DLGAP2: variants seen among roughly 807,000 people sequenced by gnomAD.
DLGAP2 encodes the protein disks large-associated protein 2.
DLGAP2 carries 26 observed loss-of-function variants against 100.3 expected under a neutral mutation model. That is an observed-to-expected ratio of 0.26 (90% CI 0.19 to 0.36). The LOEUF (loss-of-function observed/expected upper bound fraction) is 0.36, where lower values mean the gene tolerates loss of function less well. Among genes scored for constraint, DLGAP2 ranks in the 10% least tolerant of loss-of-function variants. The probability of loss-of-function intolerance (pLI) is 1.00; values close to 1 mark genes in which losing one functional copy is unlikely to be tolerated. For missense variants in DLGAP2, 1,858 were observed against 1,453.2 expected (o/e 1.28, Z -4.53); for synonymous variants, 886 against 630.1 (o/e 1.41, Z -6.08).
intron 1 of DLGAP2, among the ~76,000 whole-genome samples, chr8:862,299 GTTT>G (rs1199269737): frequency 7.2e-6 from 1 of 138,108 alleles, no homozygotes; most frequent in African/African-American, 2.6e-5. Flanking sequence ...TTGGACTCCA[GTTT>G]TTTTTTTTTT....
At chr8:1,675,194 C>T (rs1265890633) in intron 10 of DLGAP2, among the ~76,000 whole-genome samples, 1 of 152,224 alleles carries the variant, frequency 6.6e-6, no homozygotes, top group Admixed American at 6.5e-5. Flanking sequence ...TCTGTCCGTT[C>T]CCCTGGATCC....
intron 2 of DLGAP2, among the ~76,000 whole-genome samples, chr8:919,650 G>A (rs943896350): frequency 2.0e-5 from 3 of 152,186 alleles, no homozygotes; most frequent in Admixed American, 6.5e-5. Flanking sequence ...GGATCCGTCC[G>A]GCCGAGAAGC....
At chr8:1,119,632 A>T (rs545013486) in intron 2 of DLGAP2, among the ~76,000 whole-genome samples, 9 of 152,338 alleles carry the variant, frequency 5.9e-5, no homozygotes, top group Middle Eastern at 3.4e-3. Flanking sequence ...CTGTTTCCTC[A>T]TGTGAACAGC....
At chr8:1,212,164 A>G (rs892409558) in intron 2 of DLGAP2, among the ~76,000 whole-genome samples, 2 of 152,244 alleles carry the variant, frequency 1.3e-5, no homozygotes, top group Non-Finnish European at 2.9e-5. Flanking sequence ...AAAGGGCAAA[A>G]TCCCCACATT....
intron 2 of DLGAP2, among the ~76,000 whole-genome samples, chr8:1,196,628 G>A (rs1464705045): frequency 6.6e-6 from 1 of 152,170 alleles, no homozygotes; most frequent in African/African-American, 2.4e-5. Context: ...GGTCGAGGGG[G>A]GTATCTCTGA....
At position 879,442 on chromosome 8, in the gene DLGAP2, G is replaced by C. The variant is rs527403476; in HGVS notation, c.19-28470G>C. On this transcript the variant is annotated intron_variant, in intron 1 of 14. Transcript: ENST00000637795. Reference sequence around the variant, plus strand: ...TCCCATGCAGGTGTCACTTTCCCCAGGTGGGGGTGTTGAGCGCTAGGCTCA... The same window carrying C: ...TCCCATGCAGGTGTCACTTTCCCCACGTGGGGGTGTTGAGCGCTAGGCTCA... Among the ~76,000 whole-genome samples the C allele has an allele frequency of 1.7e-3, 263 of 152,332 alleles. 1 individual carries two copies. The highest frequency in any genetic ancestry group is 6.1e-3 in the African/African-American group (255 of 41,570).
At chr8:1,550,555 G>T (rs1801729639) in intron 5 of DLGAP2, among the ~76,000 whole-genome samples, 1 of 152,130 alleles carries the variant, frequency 6.6e-6, no homozygotes, top group Non-Finnish European at 1.5e-5. Flanking sequence ...ACATTCGTGA[G>T]TTCACTCCCT....
At chr8:1,671,063 G>T (rs1183739918) in intron 10 of DLGAP2, among the ~76,000 whole-genome samples, 6 of 152,206 alleles carry the variant, frequency 3.9e-5, no homozygotes, top group African/African-American at 1.4e-4. Context: ...TGTTAATTGT[G>T]CCCAGACTAT....
rs995218804 is a variant in DLGAP2, at chr8:1,706,867, C to G, written c.*5461C>G. 6.6e-6 allele frequency: 1 copy of G among 152,204 alleles called. No homozygotes were observed. Among genetic ancestry groups the G allele is most frequent in the South Asian group, 2.1e-4 (1 of 4,818 alleles). The allele number at this position is 152,204 out of a possible 1,614,324, so 9.4% of individuals were successfully genotyped here. A position where few individuals can be genotyped will look rare whatever the true frequency, so the allele number is the denominator to read the frequency against. ...GCGTTTGTAATTTTTCTACTTCGCA[C>G]TTGAGAGAAGGCAGAGGTGGTCCGT... On this transcript the variant is annotated 3_prime_UTR_variant, in exon 15 of 15. Transcript: ENST00000637795.
At chr8:1,392,889 G>GT (rs1193752112) in intron 3 of DLGAP2, among the ~76,000 whole-genome samples, 2,039 of 129,270 alleles carry the variant, frequency 0.016, 33 homozygotes, top group Middle Eastern at 0.04. Context: ...TGACGTTTCT[G>GT]TTTTTTTTTT....
chr8:884,235 G>T (rs534527533), intron 1 of DLGAP2, among the ~76,000 whole-genome samples: 1 of 152,304 alleles, frequency 6.6e-6, no homozygotes, highest in African/African-American at 2.4e-5. Context: ...CACAATGTTT[G>T]AACTAATGTA....
At chr8:1,251,269 C>T (rs1421327630) in intron 2 of DLGAP2, among the ~76,000 whole-genome samples, 3 of 152,138 alleles carry the variant, frequency 2.0e-5, no homozygotes, top group East Asian at 1.9e-4. Context: ...TGACTATCTC[C>T]TAGCATAGTA....
rs1797483751 is a variant in DLGAP2, at chr8:1,626,015, TACCCTGTG to T, written c.1443-724_1443-717del. On this transcript the variant is annotated intron_variant, in intron 6 of 14. Coordinates refer to ENST00000637795, the MANE Select transcript of DLGAP2 (RefSeq NM_001346810.2). Reference sequence around the variant, plus strand: ...TGGGTTGGACGGCTGTTCCCATCTCTACCCTGTGGCGGGTGCTCAGCCTCTGGGTGTGG... The same window carrying T: ...TGGGTTGGACGGCTGTTCCCATCTCTGCGGGTGCTCAGCCTCTGGGTGTGG... 9.6e-5 allele frequency among the ~76,000 whole-genome samples: 14 copies of T among 146,160 alleles called. 2 individuals are homozygous for T. The highest frequency in any genetic ancestry group is 3.2e-4 in the African/African-American group (12 of 38,052).
In DLGAP2 at chr8:1,263,771, G is replaced by A. The variant is rs146473272; in HGVS notation, c.106+4888G>A. ...ACCCCAGCCCTGTTCTCTGCTCTCT[G>A]TGGAGAGGGAGGGCACCACTGTTTC... On this transcript the variant is annotated intron_variant, in intron 3 of 14. Transcript: ENST00000637795. Among the ~76,000 whole-genome samples the A allele has an allele frequency of 2.5e-3, 385 of 152,280 alleles. 1 individual carries two copies. The highest frequency in any genetic ancestry group is 0.01 in the Middle Eastern group (3 of 294).
At chr8:1,055,374 G>A (rs543002431) in intron 2 of DLGAP2, among the ~76,000 whole-genome samples, 72 of 152,230 alleles carry the variant, frequency 4.7e-4, no homozygotes, top group African/African-American at 1.6e-3. Context: ...GGAGTCATCC[G>A]TCCCCTGTAA....
At chr8:1,536,407 G>T (rs753043283) in intron 4 of DLGAP2, among the ~76,000 whole-genome samples, 10 of 152,122 alleles carry the variant, frequency 6.6e-5, no homozygotes, top group East Asian at 1.9e-4. Context: ...CCTAAAAAAG[G>T]ATTATCTAAC....
intron 12 of DLGAP2, among the ~76,000 whole-genome samples, chr8:1,679,979 C>CAAA (rs760100523): frequency 0.18 from 11,000 of 62,744 alleles, 1,165 homozygotes; most frequent in South Asian, 0.26. Context: ...GACTCTGTCT[C>CAAA]AAAAAAAAAA....
In DLGAP2 at chr8:1,359,204, T is replaced by A. The variant is rs144222800; in HGVS notation, c.106+100321T>A. ...CAGGACACCCTGGAGGACAGACACC[T>A]CCTGGTAAACTCAACAGGAAAATCC... On this transcript the variant is annotated intron_variant, in intron 3 of 14. Transcript: ENST00000637795. Among the ~76,000 whole-genome samples, 94 of 152,240 alleles carry A rather than the reference T, an allele frequency of 6.2e-4. 1 individual carries two copies. Among genetic ancestry groups the A allele is most frequent in the East Asian group, 4.9e-3 (25 of 5,154 alleles).
intron 1 of DLGAP2, among the ~76,000 whole-genome samples, chr8:832,788 C>G (rs1796805942): frequency 6.6e-6 from 1 of 152,346 alleles, no homozygotes; most frequent in Non-Finnish European, 1.5e-5. Context: ...CTGCTGGTCC[C>G]TGACAGGAGA....
Sources: gnomAD v4.1 joint callset for allele counts (sites outside exome capture counted in the v4.1 genomes callset) on GRCh38, gnomAD v4.1.1 for gene constraint, MANE v1.5 for transcripts, NCBI Gene and HGNC (gene_info 2026-07-23, HGNC 2026-07-21) for gene names.